The following NEDD4 variants were observed in gnomAD, a reference collection of about 807,000 sequenced individuals.
NEDD4 encodes NEDD4 E3 ubiquitin protein ligase.
In NEDD4, 99 loss-of-function variants were observed where a neutral mutation model predicts 144.9. The ratio of observed to expected loss-of-function variants is 0.68; its 90% CI spans 0.58 to 0.81. The LOEUF is 0.81. Among genes scored for constraint, NEDD4 ranks in the 30% least tolerant of loss-of-function variants. The pLI is 0.00. For synonymous variants in NEDD4, 318 were observed against 350.6 expected (o/e 0.91, Z 1.04); for missense variants, 985 against 1,065.9 (o/e 0.92, Z 1.06).
intron 5 of NEDD4, among the ~76,000 whole-genome samples, chr15:55,892,266 CAATAAATA>C (rs138951402): frequency 0.22 from 29,885 of 137,706 alleles, 3,386 homozygotes; most frequent in Non-Finnish European, 0.25. Flanking sequence ...AACTCCAACT[CAATAAATA>C]AATAAATAAA....
intron 4 of NEDD4, among the ~76,000 whole-genome samples, chr15:55,935,845 C>CAAAA (rs35215537): frequency 0.12 from 9,292 of 77,964 alleles, 562 homozygotes; most frequent in East Asian, 0.31. Context: ...GACTCTGTTT[C>CAAAA]AAAAAAAAAA....
chr15:55,991,530 A>G (rs1241463698), intron 1 of NEDD4, among the ~76,000 whole-genome samples: 1 of 152,226 alleles, frequency 6.6e-6, no homozygotes, highest in African/African-American at 2.4e-5. Flanking sequence ...GAATAATCCA[A>G]TTACAATGGA....
At chr15:55,887,124 G>A (rs540190560) in intron 5 of NEDD4, among the ~76,000 whole-genome samples, 1 of 151,386 alleles carries the variant, frequency 6.6e-6, no homozygotes, top group African/African-American at 2.4e-5. Context: ...CCCAAAATTA[G>A]TAGAATAAAA....
rs116666885 is a variant in NEDD4 at position 55,839,091 on chromosome 15, C to T, written c.2032-487G>A. On this transcript the variant is annotated intron_variant, in intron 21 of 28. Transcript: ENST00000435532. ...TCCCTTAGGTTGGAGTGCAGTGGGG[C>T]GACTGTGGCTCACTGCAGCCTCGAC... Among the ~76,000 whole-genome samples the T allele has an allele frequency of 9.0e-3, 1,357 of 150,824 alleles. 28 individuals are homozygous for T. Among genetic ancestry groups the T allele is most frequent in the African/African-American group, 0.032 (1,300 of 41,026 alleles).
intron 5 of NEDD4, among the ~76,000 whole-genome samples, chr15:55,920,298 C>T (rs1397998823): frequency 6.6e-6 from 1 of 152,004 alleles, no homozygotes. Flanking sequence ...GGAGAACCTT[C>T]ACTAATACAA....
At position 55,979,377 on chromosome 15, in the gene NEDD4, C is replaced by T. The variant is rs533098336; in HGVS notation, c.46-12831G>A. On this transcript the variant is annotated intron_variant, in intron 1 of 28. Transcript: ENST00000435532. ...TTTTTTTTTTTTTGAGACGGAGTCT[C>T]GCTCTGTCGCCCAGGCCGGACTGCG... Among the ~76,000 whole-genome samples, 757 of 122,406 alleles carry T rather than the reference C, an allele frequency of 6.2e-3. 4 individuals are homozygous for T. The Middle Eastern group carries it at 0.077, about 13-fold the overall frequency. 80.3% of individuals were successfully genotyped at this position (122,406 alleles called of 152,430 possible).
In NEDD4 at chr15:55,837,620, C is replaced by T. The variant is rs145713922; in HGVS notation, c.2262+169G>A. Among the ~76,000 whole-genome samples the T allele has an allele frequency of 3.1e-3, 476 of 152,128 alleles. 3 individuals carry two copies. Among genetic ancestry groups the T allele is most frequent in the African/African-American group, 0.011 (448 of 41,492 alleles). On this transcript the variant is annotated intron_variant, in intron 24 of 28. Transcript: ENST00000435532. Reference sequence around the variant, plus strand: ...GACCTGTCCATGTTTATTGTCTAGACTTCTTGAATGACTGAATGGAATATT... The same window carrying T: ...GACCTGTCCATGTTTATTGTCTAGATTTCTTGAATGACTGAATGGAATATT...
chr15:55,877,056 C>T (rs558974997), intron 5 of NEDD4, among the ~76,000 whole-genome samples: 18 of 151,964 alleles, frequency 1.2e-4, no homozygotes, highest in East Asian at 1.9e-4. Context: ...AAAAATACTG[C>T]GAGAGAATCC....
At chr15:55,837,899 A>C (rs1453260068) in intron 23 of NEDD4, 50 bp from the exon 24 acceptor site, 2 of 1,441,624 alleles carry the variant, frequency 1.4e-6, no homozygotes, top group Non-Finnish European at 1.9e-6. Flanking sequence ...CAAAATTCTG[A>C]GGCACAATTA....
At chr15:55,862,192 G>A (rs1434037940) in intron 9 of NEDD4, among the ~76,000 whole-genome samples, 1 of 152,020 alleles carries the variant, frequency 6.6e-6, no homozygotes, top group African/African-American at 2.4e-5. Context: ...CATATATCAG[G>A]CACAAAATAT....
chr15:55,862,446 A>C (rs1371459592), intron 9 of NEDD4, among the ~76,000 whole-genome samples: 1 of 152,200 alleles, frequency 6.6e-6, no homozygotes, highest in Non-Finnish European at 1.5e-5. Flanking sequence ...GCGTGCTGGA[A>C]GTTATGTGGA....
Position 55,993,510 on chromosome 15 carries a change from C to T in NEDD4, c.45+1G>A, listed in dbSNP as rs1431514851. 2 of 1,597,910 alleles carry T rather than the reference C, an allele frequency of 1.3e-6. No homozygotes were observed. The highest frequency in any genetic ancestry group is 1.4e-5 in the African/African-American group (1 of 73,166). ...GCCCCGCAGCCCCGCGGTCCCCGCACCTCGTCCTCCAGGAGCCCGAACACC... is the reference window on the plus strand; with the variant it reads ...GCCCCGCAGCCCCGCGGTCCCCGCATCTCGTCCTCCAGGAGCCCGAACACC... On this transcript the variant is annotated splice_donor_variant, in intron 1 of 28. Transcript: ENST00000435532. LOFTEE classifies it high-confidence loss of function.
Position 55,834,076 on chromosome 15 carries a change from A to T in NEDD4, c.2392T>A (p.Tyr798Asn), listed in dbSNP as rs1161649610. The change falls in exon 26 of 29, where the codon TAC (tyrosine) becomes AAC (asparagine). Residue 798 changes from tyrosine (Y) to asparagine (N), a missense_variant. Physicochemically the swap from Tyr to Asn is moderately radical, Grantham distance 143. Transcript: ENST00000435532. ...WREHTKYKNG[Y>N]SANHQVIQWF... ...TGTATAACCTGATGATTTGCACTGT[A>T]GCCATTTTTATACTTTGTATGTTCC... 1.9e-6 allele frequency: 3 copies of T among 1,613,674 alleles called. No individual in the cohort carries two copies. Among genetic ancestry groups the T allele is most frequent in the Non-Finnish European group, 2.5e-6 (3 of 1,179,982 alleles).
In NEDD4 at chr15:55,847,431, G is replaced by A. The variant is rs191806842; in HGVS notation, c.1543-397C>T. On this transcript the variant is annotated intron_variant, in intron 17 of 28. Coordinates refer to ENST00000435532, the MANE Select transcript of NEDD4 (RefSeq NM_006154.4). ...TTGAACTCCAAGGAGTTGCCTTTTTGAGCCATTAAAGGACTACATGTTGAG... is the reference window on the plus strand; with the variant it reads ...TTGAACTCCAAGGAGTTGCCTTTTTAAGCCATTAAAGGACTACATGTTGAG... Among the ~76,000 whole-genome samples, 19 of 152,158 alleles carry A rather than the reference G, an allele frequency of 1.2e-4. No individual in the cohort carries two copies. In the East Asian group the frequency reaches 2.7e-3, roughly 22 times the overall value.
Position 55,936,744 on chromosome 15 carries a change from C to G in NEDD4, c.238-12045G>C, listed in dbSNP as rs768285347. ...TGCACCTAATGTGTTGCACTTTTTT[C>G]CCTCTAAGCATGTAAAGTGTAGATT... On this transcript the variant is annotated intron_variant, in intron 4 of 28. Transcript: ENST00000435532. Among the ~76,000 whole-genome samples, 15 of 151,930 alleles carry G rather than the reference C, an allele frequency of 9.9e-5. No individual in the cohort carries two copies. In the South Asian group the frequency reaches 1.0e-3, roughly 11 times the overall value.
In NEDD4 at chr15:55,942,655, G is replaced by A. The variant is rs148369236; in HGVS notation, c.237+8721C>T. Among the ~76,000 whole-genome samples the A allele has an allele frequency of 1.7e-3, 258 of 152,200 alleles. 1 individual carries two copies. Among genetic ancestry groups the A allele is most frequent in the African/African-American group, 6.0e-3 (247 of 41,502 alleles). ...GTGGAACTGTGAGTCAATTACAGCC[G>A]TTTTCTTTATAAACTGCTCAGTCTC... On this transcript the variant is annotated intron_variant, in intron 4 of 28. Coordinates refer to ENST00000435532, the MANE Select transcript of NEDD4 (RefSeq NM_006154.4).
chr15:55,971,923 C>A (rs1478937908), intron 1 of NEDD4, among the ~76,000 whole-genome samples: 1 of 152,142 alleles, frequency 6.6e-6, no homozygotes, highest in East Asian at 1.9e-4. Context: ...ATACATCTGG[C>A]AGCAGGTTTC....
intron 4 of NEDD4, among the ~76,000 whole-genome samples, chr15:55,948,590 T>A (rs1452159372): frequency 1.3e-5 from 2 of 152,220 alleles, no homozygotes; most frequent in Admixed American, 6.5e-5. Context: ...AGCATGGTAC[T>A]GGTATCAAAA....
chr15:55,917,644 T>C (rs1160453522), intron 5 of NEDD4, among the ~76,000 whole-genome samples: 2 of 152,082 alleles, frequency 1.3e-5, no homozygotes, highest in Non-Finnish European at 2.9e-5. Flanking sequence ...AGTAATACCA[T>C]TGCAAAACTG....
Sources: allele counts gnomAD v4.1 joint callset (sites outside exome capture counted in the v4.1 genomes callset), GRCh38; gene constraint gnomAD v4.1.1; transcripts MANE v1.5; gene names NCBI Gene and HGNC (gene_info 2026-07-23, HGNC 2026-07-21).